Variants in KHDC1 observed in about 807,000 individuals in gnomAD.
The protein encoded by KHDC1 is KH homology domain-containing protein 1.
In KHDC1, 21 loss-of-function variants were observed where a neutral mutation model predicts 24.7. That is an observed-to-expected ratio of 0.85 (90% confidence interval 0.60 to 1.23). KHDC1 has a LOEUF of 1.23. Among genes scored for constraint, KHDC1 ranks in the 50% most tolerant of loss-of-function variants. KHDC1 has a pLI of 0.00. For missense variants in KHDC1, 274 were observed against 298.5 expected, an observed-to-expected ratio of 0.92 and a Z score of 0.61; for synonymous variants, 98 against 111.7, an observed-to-expected ratio of 0.88 and a Z score of 0.77.
chr6:73,302,170 T>C (rs1455965137), intron 1 of KHDC1, among the ~76,000 whole-genome samples: 2 of 152,028 alleles, frequency 1.3e-5, no homozygotes, highest in Admixed American at 1.3e-4. Context: ...ACACCTGTAA[T>C]CCCGGCTACT....
Position 73,309,570 on chromosome 6 carries a change from A to G in KHDC1, c.145T>C (p.Trp49Arg), listed in dbSNP as rs2150760601. The G allele has an allele frequency of 2.6e-6, 4 of 1,525,622 alleles. No homozygotes were observed. The East Asian group carries it at 9.9e-5, about 38-fold the overall frequency. 94.5% of individuals were successfully genotyped at this position (1,525,622 alleles called of 1,614,324 possible). A position where few individuals can be genotyped will look rare whatever the true frequency, so the allele number is the denominator to read the frequency against. The change falls in exon 1 of 5, where the codon TGG (tryptophan) becomes CGG (arginine). Residue 49 changes from tryptophan (W) to arginine (R), a missense_variant. Trp to Arg is a moderately radical substitution (Grantham distance 101). Transcript: ENST00000370384. The stretch of plus-strand genomic sequence containing the variant: ...CACTCACCTCGATTTCTGCGGATCC[A>G]AAGGTGGAAAGACACTGTCCCGATC...
intron 1 of KHDC1, among the ~76,000 whole-genome samples, chr6:73,302,222 G>A (rs1236301445): frequency 6.6e-6 from 1 of 152,174 alleles, no homozygotes; most frequent in East Asian, 1.9e-4. Context: ...CCAGGAGGTG[G>A]AGGTTGTGGT....
At chr6:73,307,415 C>A (rs1046316422) in intron 1 of KHDC1, among the ~76,000 whole-genome samples, 37 of 152,178 alleles carry the variant, frequency 2.4e-4, no homozygotes, top group African/African-American at 7.2e-4. Context: ...CAGAGCGAGA[C>A]CCTGTCTCAC....
intron 1 of KHDC1, among the ~76,000 whole-genome samples, chr6:73,294,181 G>A (rs921833756): frequency 6.6e-6 from 1 of 151,984 alleles, no homozygotes; most frequent in Non-Finnish European, 1.5e-5. Context: ...TGGATCTATT[G>A]TCTCTTTCCC....
chr6:73,276,495 A>T (rs1268478311), intron 2 of KHDC1: 4 of 48,400 alleles, frequency 8.3e-5, no homozygotes, highest in African/African-American at 1.6e-4. Context: ...TCAAAAAAAG[A>T]AAAGTATTTA....
chr6:73,247,873 A>AAAAG (rs1554224074), intron 2 of KHDC1, among the ~76,000 whole-genome samples: 1 of 151,264 alleles, frequency 6.6e-6, no homozygotes, highest in African/African-American at 2.4e-5. Flanking sequence ...AAAAAAAAAA[A>AAAAG]AGAGAGAGAG....
chr6:73,247,034 A>G (rs535866678), intron 2 of KHDC1, among the ~76,000 whole-genome samples: 2 of 151,678 alleles, frequency 1.3e-5, no homozygotes, highest in African/African-American at 4.8e-5. Flanking sequence ...CTGGAGTGCA[A>G]TGGCATGATC....
chr6:73,297,659 A>C (rs1767780805), intron 1 of KHDC1, among the ~76,000 whole-genome samples: 1 of 152,168 alleles, frequency 6.6e-6, no homozygotes, highest in Admixed American at 6.6e-5. Context: ...AGAAGCATTA[A>C]AATTGATTTT....
intron 2 of KHDC1, among the ~76,000 whole-genome samples, chr6:73,244,961 A>G (rs1283659598): frequency 1.3e-5 from 2 of 152,144 alleles, no homozygotes; most frequent in African/African-American, 2.4e-5. Context: ...AACAATAGCT[A>G]TAGTCTGCGA....
rs762771356 is a variant in KHDC1, at chr6:73,244,874, A to G, written c.207-2344T>C. On this transcript the variant is annotated intron_variant, in intron 2 of 4. Coordinates refer to ENST00000370384, the Ensembl canonical transcript of KHDC1. ...CTTGAGCACAGGAGTCTAAGCCTGC[A>G]GTGAGCTAGTATCACAGCACTACAG... 7.7e-4 allele frequency among the ~76,000 whole-genome samples: 118 copies of G among 152,314 alleles called. 1 individual carries two copies. Among genetic ancestry groups the G allele is most frequent in the Non-Finnish European group, 1.4e-3 (96 of 68,024 alleles).
chr6:73,306,805 G>C (rs536069976), intron 1 of KHDC1, among the ~76,000 whole-genome samples: 246 of 152,160 alleles, frequency 1.6e-3, no homozygotes, highest in Middle Eastern at 6.8e-3. Flanking sequence ...TCAAGAGATC[G>C]AGACCATCCT....
chr6:73,259,166 C>T (rs1766933264), intron 2 of KHDC1, among the ~76,000 whole-genome samples: 1 of 151,610 alleles, frequency 6.6e-6, no homozygotes, highest in Non-Finnish European at 1.5e-5. Flanking sequence ...TTTTGAGATT[C>T]AGATAGTGTT....
At chr6:73,241,914 C>T in intron 4 of KHDC1, 141 bp downstream of exon 3, 1 of 1,089,472 alleles carries the variant, frequency 9.2e-7, no homozygotes, top group Non-Finnish European at 1.3e-6. Context: ...AAAAGATGAG[C>T]ACTTTTCTTC....
chr6:73,283,168 G>A (rs564565962), intron 2 of KHDC1, among the ~76,000 whole-genome samples: 3 of 152,218 alleles, frequency 2.0e-5, no homozygotes, highest in South Asian at 4.2e-4. Flanking sequence ...AAGTCATTAC[G>A]TATAGCTCAC....
intron 2 of KHDC1, among the ~76,000 whole-genome samples, chr6:73,258,209 C>T (rs920370949): frequency 1.6e-4 from 24 of 152,162 alleles, no homozygotes; most frequent in African/African-American, 5.8e-4. Context: ...GAGCTGAGAT[C>T]GTGCCACTGC....
intron 2 of KHDC1, chr6:73,274,596 C>T (rs1767245547): frequency 6.6e-6 from 1 of 152,232 alleles, no homozygotes; most frequent in African/African-American, 2.4e-5. Flanking sequence ...AAGCGTCTGG[C>T]ATTTCCCCTA....
intron 2 of KHDC1, among the ~76,000 whole-genome samples, chr6:73,270,949 C>T (rs923922088): frequency 1.2e-4 from 19 of 152,062 alleles, no homozygotes; most frequent in Non-Finnish European, 1.6e-4. Flanking sequence ...ATCGGCCTCT[C>T]AAAGTGCTGG....
intron 2 of KHDC1, among the ~76,000 whole-genome samples, chr6:73,259,280 CTTTTTTTTT>C (rs59935884): frequency 1.4e-5 from 1 of 73,238 alleles, no homozygotes; most frequent in African/African-American, 6.4e-5. Context: ...ATCCAATATG[CTTTTTTTTT>C]TTTTTTTTTT....
chr6:73,290,978 C>A, intron 2 of KHDC1: 1 of 353,380 alleles, frequency 2.8e-6, no homozygotes. Context: ...CACCATCTCC[C>A]ATGATCATGC....
Sources: allele counts gnomAD v4.1 joint callset (sites outside exome capture counted in the v4.1 genomes callset), GRCh38; gene constraint gnomAD v4.1.1; transcripts MANE v1.5; gene names NCBI Gene and HGNC (gene_info 2026-07-23, HGNC 2026-07-21).